The following SYNPO2 variants were observed in gnomAD, a reference collection of about 807,000 sequenced individuals.
SYNPO2 encodes synaptopodin-2.
In SYNPO2, 56 loss-of-function variants were observed where a neutral mutation model predicts 85.0. The observed-to-expected ratio is 0.66, with a 90% CI of 0.53 to 0.82. SYNPO2 has a LOEUF of 0.82. Ranked by LOEUF, SYNPO2 falls within the 40% of genes least tolerant of loss-of-function variation. The pLI, the probability that SYNPO2 is intolerant of heterozygous loss-of-function variation, is 0.00. For missense variants in SYNPO2, 1,575 were observed against 1,534.2 expected (o/e 1.03, Z -0.44); for synonymous variants, 602 against 591.1 (o/e 1.02, Z -0.27).
At chr4:118,997,992 T>C (rs1736681174) in intron 1 of SYNPO2, among the ~76,000 whole-genome samples, 1 of 152,074 alleles carries the variant, frequency 6.6e-6, no homozygotes, top group Non-Finnish European at 1.5e-5. Context: ...GTAAAATAGC[T>C]TTGGGGGAAT....
rs1731417391 is a variant in SYNPO2 at position 118,851,384 on chromosome 4, G to A, written c.12+444G>A. On this transcript the variant is annotated intron_variant, in intron 1 of 4. Coordinates refer to the SYNPO2 transcript ENST00000610556. ...TGCCTATAATCCCAGCTACTTGGGA[G>A]GCTGAGGCAGGAGAATCGCTTGAAC... Among the ~76,000 whole-genome samples the A allele has an allele frequency of 2.0e-5, 3 of 152,292 alleles. No individual in the cohort carries two copies. The South Asian group carries it at 6.2e-4, about 32-fold the overall frequency.
At chr4:118,851,254 G>T (rs2110559424) in intron 1 of SYNPO2, among the ~76,000 whole-genome samples, 1 of 152,128 alleles carries the variant, frequency 6.6e-6, no homozygotes, top group Non-Finnish European at 1.5e-5. Flanking sequence ...TTGGTCTCAG[G>T]AACCCTTGAC....
chr4:118,947,095 C>T (rs1734529704), intron 1 of SYNPO2, among the ~76,000 whole-genome samples: 1 of 152,124 alleles, frequency 6.6e-6, no homozygotes, highest in Admixed American at 6.5e-5. Flanking sequence ...TTATGTTTTA[C>T]AAGGGATTAC....
intron 1 of SYNPO2, among the ~76,000 whole-genome samples, chr4:118,902,591 T>C (rs957323534): frequency 3.9e-5 from 6 of 152,210 alleles, no homozygotes; most frequent in African/African-American, 1.4e-4. Context: ...TTATGGGAGC[T>C]ACAATTCAAG....
chr4:118,970,582 C>A (rs1735502812), intron 1 of SYNPO2, among the ~76,000 whole-genome samples: 1 of 152,168 alleles, frequency 6.6e-6, no homozygotes, highest in African/African-American at 2.4e-5. Flanking sequence ...ACAAATTTGT[C>A]TGTATATGAT....
chr4:118,906,927 C>G (rs1732956237), intron 1 of SYNPO2, among the ~76,000 whole-genome samples: 1 of 152,080 alleles, frequency 6.6e-6, no homozygotes, highest in Non-Finnish European at 1.5e-5. Context: ...CCCACCTCAG[C>G]CTCCTAAGTA....
At chr4:118,995,861 CTTAT>C (rs1029421296) in intron 1 of SYNPO2, among the ~76,000 whole-genome samples, 1 of 130,016 alleles carries the variant, frequency 7.7e-6, no homozygotes, top group African/African-American at 2.9e-5. Context: ...ATCTATTTAT[CTTAT>C]CTATCTATCT....
chr4:118,932,592 C>G (rs1167021451), intron 1 of SYNPO2, among the ~76,000 whole-genome samples: 3 of 152,042 alleles, frequency 2.0e-5, no homozygotes, highest in South Asian at 2.1e-4. Context: ...AAACAAGAGG[C>G]CTTCATAGAA....
intron 1 of SYNPO2, among the ~76,000 whole-genome samples, chr4:118,896,311 G>T (rs1260662336): frequency 6.6e-6 from 1 of 152,142 alleles, no homozygotes. Context: ...AAGATAATGT[G>T]CAATGGGAGA....
At position 119,031,762 on chromosome 4, in the gene SYNPO2, T is replaced by G. The variant is rs762826783; in HGVS notation, c.2987T>G (p.Val996Gly). ...DGLPQKSSVK[V>G]NSALAMKQAL... ...CTCCCCCAGAAGTCATCAGTCAAGG[T>G]CAATTCAGCCCTGGCCATGAAGCAA... Residue 996 changes from valine (V) to glycine (G), a missense_variant, in exon 4 of 5, where the codon GTC (valine) becomes GGC (glycine). Val to Gly is a moderately radical substitution (Grantham distance 109). Around this residue, in one of 3 missense-constraint regions of SYNPO2, gnomAD observed 1,508 missense variants for 1,446.8 expected, o/e 1.04. Transcript: ENST00000307142. 8.7e-6 allele frequency: 14 copies of G among 1,614,180 alleles called. No individual in the cohort carries two copies. The highest frequency in any genetic ancestry group is 8.5e-7 in the Non-Finnish European group (1 of 1,180,032).
At chr4:118,862,850 G>A (rs1005260703) in intron 1 of SYNPO2, among the ~76,000 whole-genome samples, 12 of 150,458 alleles carry the variant, frequency 8.0e-5, no homozygotes, top group South Asian at 6.3e-4. Context: ...TTGCTCTGTC[G>A]CCCAGGCTAG....
At chr4:119,036,931 A>G in intron 4 of SYNPO2, 1 of 1,211,512 alleles carries the variant, frequency 8.3e-7, no homozygotes, top group Non-Finnish European at 1.0e-6. Context: ...CATCCCAAGT[A>G]TACAGGGGAG....
chr4:118,863,464 C>G (rs1560802112), intron 1 of SYNPO2, among the ~76,000 whole-genome samples: 2 of 152,278 alleles, frequency 1.3e-5, no homozygotes, highest in African/African-American at 4.8e-5. Context: ...ATAGTAGTCA[C>G]TAATAATCCT....
At chr4:119,029,811 C>T (rs1210919916) in intron 3 of SYNPO2, 34 bp from the exon 4 acceptor site, 2 of 1,484,112 alleles carry the variant, frequency 1.3e-6, no homozygotes, top group African/African-American at 3.2e-5. Flanking sequence ...AACTCATCAG[C>T]TCAATATAAT....
Position 119,023,592 on chromosome 4 carries a change from T to C in SYNPO2, c.257+11T>C. The C allele has an allele frequency of 1.2e-6, 2 of 1,607,292 alleles. No homozygotes were observed. The highest frequency in any genetic ancestry group is 1.7e-6 in the Non-Finnish European group (2 of 1,176,514). ...AATGCTCATCAAAAGGTACAACAGA[T>C]TTGCTGGAATATGTATTTTCTCTTG... On this transcript the variant is annotated intron_variant, in intron 2 of 4. Coordinates refer to ENST00000307142, the MANE Select transcript of SYNPO2 (RefSeq NM_133477.3).
intron 1 of SYNPO2, among the ~76,000 whole-genome samples, chr4:119,005,416 G>A (rs554181769): frequency 6.6e-6 from 1 of 151,696 alleles, no homozygotes; most frequent in African/African-American, 2.4e-5. Flanking sequence ...AAGGTGTAAG[G>A]AAGGGATCCA....
intron 1 of SYNPO2, among the ~76,000 whole-genome samples, chr4:118,875,551 A>T (rs1731889607): frequency 6.6e-6 from 1 of 152,226 alleles, no homozygotes; most frequent in Admixed American, 6.5e-5. Flanking sequence ...TAGCCATAAA[A>T]ATGTATCATG....
chr4:119,005,231 A>G (rs1228446934), intron 1 of SYNPO2, among the ~76,000 whole-genome samples: 1 of 152,098 alleles, frequency 6.6e-6, no homozygotes, highest in Non-Finnish European at 1.5e-5. Flanking sequence ...CTTTAGTTTA[A>G]TTAGATCCCA....
chr4:119,023,537 G>A lies in SYNPO2; in HGVS notation c.213G>A (p.Lys71=), dbSNP rs549165817. The change falls in exon 2 of 5, where the codon AAG becomes AAA. Residue 71 remains lysine (K), a synonymous_variant. Transcript: ENST00000307142. ...CADLTYPEVI[K]LMESITDSLQ... ...ATCTCACCTACCCTGAAGTCATCAA[G>A]CTCATGGAAAGCATAACAGACTCTC... is the stretch of plus-strand genomic sequence containing the variant. 6.7e-5 allele frequency: 108 copies of A among 1,613,058 alleles called. 1 individual carries two copies. In the South Asian group the frequency reaches 1.0e-3, roughly 15 times the overall value.
Sources: gnomAD v4.1 joint callset for allele counts (sites outside exome capture counted in the v4.1 genomes callset) on GRCh38, gnomAD v4.1.1 for gene constraint, gnomAD v4.1.1 regional missense constraint, MANE v1.5 for transcripts, NCBI Gene and HGNC (gene_info 2026-07-23, HGNC 2026-07-21) for gene names.